WDPCP: variants seen among roughly 807,000 people sequenced by gnomAD.
WDPCP encodes WD repeat containing planar cell polarity effector.
WDPCP carries 71 observed loss-of-function variants against 93.1 expected under a neutral mutation model. The ratio of observed to expected loss-of-function variants is 0.76; its 90% CI spans 0.63 to 0.93. The LOEUF is 0.93. Ranked by LOEUF, WDPCP falls within the 40% of genes least tolerant of loss-of-function variation. WDPCP has a pLI of 0.00. For missense variants in WDPCP, 844 were observed against 887.4 expected, an observed-to-expected ratio of 0.95 and a Z score of 0.62; for synonymous variants, 315 against 315.0, an observed-to-expected ratio of 1.00 and a Z score of 0.00.
At chr2:63,432,381 T>A (rs1696827396) in intron 9 of WDPCP, among the ~76,000 whole-genome samples, 1 of 152,188 alleles carries the variant, frequency 6.6e-6, no homozygotes, top group South Asian at 2.1e-4. Context: ...AACACTTTAA[T>A]GCACTTACAC....
At chr2:63,185,154 TG>T (rs1373107192) in intron 14 of WDPCP, among the ~76,000 whole-genome samples, 1 of 152,166 alleles carries the variant, frequency 6.6e-6, no homozygotes, top group Non-Finnish European at 1.5e-5. Flanking sequence ...TATTGGTTTT[TG>T]GATTTCTTTT....
rs556135484 is a variant in WDPCP at position 63,152,863 on chromosome 2, C to T, written c.2190+51G>A. On this transcript the variant is annotated intron_variant, in intron 17 of 17. Coordinates refer to ENST00000272321, the MANE Select transcript of WDPCP (RefSeq NM_015910.7). ...GTTCAAAATAATCACATACATTATG[C>T]TTTTCTCTTAGAATTTAAATGTCTA... The T allele has an allele frequency of 3.2e-6, 5 of 1,551,208 alleles. No homozygotes were observed. The South Asian group carries it at 4.5e-5, about 14-fold the overall frequency.
chr2:63,701,644 T>A (rs1487347048), intron 2 of WDPCP, among the ~76,000 whole-genome samples: 2 of 152,160 alleles, frequency 1.3e-5, no homozygotes, highest in Non-Finnish European at 2.9e-5. Context: ...GTGTTATATA[T>A]ATACAACAGG....
chr2:63,352,986 T>C lies in WDPCP; in HGVS notation c.1748+25400A>G, dbSNP rs559852766. Among the ~76,000 whole-genome samples the C allele has an allele frequency of 2.6e-5, 4 of 152,240 alleles. No homozygotes were observed. The South Asian group carries it at 8.3e-4, about 32-fold the overall frequency. Reference sequence around the variant, plus strand: ...GTCCTTTTTTAAAAAAAATCATGGTTGTATACTCACATTGGGACTAATCAA... The same window carrying C: ...GTCCTTTTTTAAAAAAAATCATGGTCGTATACTCACATTGGGACTAATCAA... On this transcript the variant is annotated intron_variant, in intron 12 of 17. Transcript: ENST00000272321.
At chr2:63,413,692 G>A (rs1423201249) in intron 9 of WDPCP, among the ~76,000 whole-genome samples, 1 of 152,136 alleles carries the variant, frequency 6.6e-6, no homozygotes, top group East Asian at 1.9e-4. Context: ...CAGCTACTCA[G>A]GAGGCTGAGG....
chr2:63,728,209 T>G (rs753146588), intron 2 of WDPCP, among the ~76,000 whole-genome samples: 1 of 152,218 alleles, frequency 6.6e-6, no homozygotes, highest in Non-Finnish European at 1.5e-5. Context: ...TAGCATTATA[T>G]TTTTTGGAAA....
At chr2:63,581,545 A>G (rs576852656) in intron 1 of WDPCP, among the ~76,000 whole-genome samples, 4 of 152,330 alleles carry the variant, frequency 2.6e-5, no homozygotes, top group African/African-American at 4.8e-5. Context: ...GAGTACACAG[A>G]AAAGTCTTGG....
intron 6 of WDPCP, among the ~76,000 whole-genome samples, chr2:63,448,761 C>G (rs552840639): frequency 6.6e-6 from 1 of 152,160 alleles, no homozygotes; most frequent in East Asian, 1.9e-4. Context: ...AAGCTAGGCA[C>G]AGAAAGACAA....
intron 3 of WDPCP, among the ~76,000 whole-genome samples, chr2:63,623,584 C>T (rs1709774154): frequency 1.3e-5 from 2 of 151,226 alleles, no homozygotes; most frequent in South Asian, 4.2e-4. Context: ...TCAAAAAAGA[C>T]AAAGAAGAAC....
At chr2:63,478,713 G>A (rs546276119) in intron 6 of WDPCP, among the ~76,000 whole-genome samples, 3 of 151,982 alleles carry the variant, frequency 2.0e-5, no homozygotes, top group Admixed American at 6.6e-5. Flanking sequence ...CCTTAAATGC[G>A]TACATCAAAA....
intron 15 of WDPCP, among the ~76,000 whole-genome samples, chr2:63,165,473 A>G (rs1479401887): frequency 1.3e-4 from 19 of 151,974 alleles, no homozygotes; most frequent in Non-Finnish European, 1.5e-5. Flanking sequence ...TTTTCTGTGG[A>G]AAAGTTTTTC....
chr2:63,261,317 TA>T (rs1227282294), intron 13 of WDPCP, among the ~76,000 whole-genome samples: 1 of 152,090 alleles, frequency 6.6e-6, no homozygotes, highest in Non-Finnish European at 1.5e-5. Flanking sequence ...AAAATCCATT[TA>T]ACTGTGCAAT....
chr2:63,280,546 T>G (rs1215107298), intron 13 of WDPCP, among the ~76,000 whole-genome samples: 1 of 151,852 alleles, frequency 6.6e-6, no homozygotes, highest in Non-Finnish European at 1.5e-5. Context: ...AAAGAACAAA[T>G]CTGGAAGCAT....
At chr2:63,724,162 G>A (rs139565734) in intron 2 of WDPCP, among the ~76,000 whole-genome samples, 101 of 152,292 alleles carry the variant, frequency 6.6e-4, no homozygotes, top group South Asian at 6.4e-3. Flanking sequence ...TTAGTTTGAT[G>A]TAGATACATA....
Position 63,404,036 on chromosome 2 carries a change from TC to T in WDPCP, c.1435+11del, listed in dbSNP as rs1407642689. On this transcript the variant is annotated intron_variant, in intron 10 of 17. Transcript: ENST00000272321. Reference sequence around the variant, plus strand: ...ATTTTAATTTACTTACTCATCACTTTCCTTGACTTACCTAGTTTAAACAACA... The same window carrying T: ...ATTTTAATTTACTTACTCATCACTTTCTTGACTTACCTAGTTTAAACAACA... 4 of 1,613,924 alleles carry T rather than the reference TC, an allele frequency of 2.5e-6. No individual in the cohort carries two copies. Among genetic ancestry groups the T allele is most frequent in the Non-Finnish European group, 3.4e-6 (4 of 1,179,976 alleles).
intron 14 of WDPCP, among the ~76,000 whole-genome samples, chr2:63,224,141 C>T (rs146161540): frequency 3.7e-4 from 56 of 152,110 alleles, no homozygotes; most frequent in Admixed American, 9.2e-4. Context: ...GGAAAAGATA[C>T]GCCACATCAT....
intron 2 of WDPCP, among the ~76,000 whole-genome samples, chr2:63,703,174 A>G (rs1281392286): frequency 6.6e-6 from 1 of 152,182 alleles, no homozygotes; most frequent in African/African-American, 2.4e-5. Flanking sequence ...TAGTGCTGCA[A>G]TAAACATACG....
chr2:63,407,546 C>G (rs2105227014), intron 9 of WDPCP, among the ~76,000 whole-genome samples: 1 of 152,200 alleles, frequency 6.6e-6, no homozygotes, highest in East Asian at 1.9e-4. Flanking sequence ...TGCTCTATAA[C>G]TTCATTCATG....
chr2:63,609,380 AAT>A (rs149675826), intron 3 of WDPCP, among the ~76,000 whole-genome samples: 2 of 151,454 alleles, frequency 1.3e-5, no homozygotes, highest in Non-Finnish European at 2.9e-5. Context: ...ACAACAACAA[AAT>A]ATATATATAT....
Sources: gnomAD v4.1 joint callset for allele counts (sites outside exome capture counted in the v4.1 genomes callset) on GRCh38, gnomAD v4.1.1 for gene constraint, MANE v1.5 for transcripts, NCBI Gene and HGNC (gene_info 2026-07-23, HGNC 2026-07-21) for gene names.